UVRAG: variants seen among roughly 807,000 people sequenced by gnomAD.
UVRAG encodes UV radiation resistance associated.
Under a neutral mutation model 78.0 loss-of-function variants are expected in UVRAG, and 19 were observed. The observed-to-expected ratio is 0.24, with a 90% CI of 0.17 to 0.36. The LOEUF (loss-of-function observed/expected upper bound fraction) is 0.36, where lower values mean the gene tolerates loss of function less well. UVRAG is among the 10% of genes least tolerant of loss of function. UVRAG has a pLI of 1.00. For synonymous variants in UVRAG, 323 were observed against 324.6 expected (o/e 1.00, Z 0.05); for missense variants, 740 against 853.8 (o/e 0.87, Z 1.66).
intron 13 of UVRAG, among the ~76,000 whole-genome samples, chr11:76,090,093 A>G (rs189382734): frequency 2.0e-5 from 3 of 152,128 alleles, no homozygotes; most frequent in East Asian, 3.9e-4. Context: ...ATTTCAACCA[A>G]TCTCCTGACT....
At chr11:75,902,605 T>C (rs1235494849) in intron 5 of UVRAG, among the ~76,000 whole-genome samples, 1 of 152,232 alleles carries the variant, frequency 6.6e-6, no homozygotes, top group East Asian at 1.9e-4. Flanking sequence ...TTGCTTTCTC[T>C]TCCAGTTTTC....
At chr11:75,829,780 C>T (rs1285215372) in intron 1 of UVRAG, among the ~76,000 whole-genome samples, 3 of 152,202 alleles carry the variant, frequency 2.0e-5, no homozygotes, top group Admixed American at 1.3e-4. Flanking sequence ...GGTTGTATTC[C>T]AGTAAAAGTT....
At chr11:76,109,044 G>A (rs1003497603) in intron 13 of UVRAG, among the ~76,000 whole-genome samples, 7 of 152,026 alleles carry the variant, frequency 4.6e-5, no homozygotes, top group Admixed American at 2.6e-4. Flanking sequence ...TGGTGGCGGT[G>A]CAGTAGGAAG....
chr11:75,880,071 G>T (rs776922217), intron 4 of UVRAG, 31 bp downstream of exon 4: 2 of 1,610,016 alleles, frequency 1.2e-6, no homozygotes, highest in South Asian at 1.1e-5. Flanking sequence ...TCAAGTAGTT[G>T]TCATCTCCAA....
intron 1 of UVRAG, among the ~76,000 whole-genome samples, chr11:75,829,158 T>G (rs1945600342): frequency 6.6e-6 from 1 of 152,150 alleles, no homozygotes. Flanking sequence ...CACTACAACC[T>G]CGAACTCCTG....
At chr11:76,129,724 T>A (rs1301640551) in intron 14 of UVRAG, among the ~76,000 whole-genome samples, 1 of 152,336 alleles carries the variant, frequency 6.6e-6, no homozygotes, top group African/African-American at 2.4e-5. Flanking sequence ...TGTTTGTCTA[T>A]GTCTGTACAT....
At chr11:76,080,405 C>A (rs1186117107) in intron 13 of UVRAG, among the ~76,000 whole-genome samples, 3 of 152,108 alleles carry the variant, frequency 2.0e-5, no homozygotes, top group African/African-American at 7.2e-5. Flanking sequence ...GGTTGTATAC[C>A]AAAACTGTGT....
chr11:76,114,621 A>G (rs1184034621), intron 13 of UVRAG, among the ~76,000 whole-genome samples: 1 of 152,224 alleles, frequency 6.6e-6, no homozygotes, highest in African/African-American at 2.4e-5. Flanking sequence ...TATTCATTCA[A>G]ACCATTCAGG....
At chr11:75,835,558 A>G (rs971732595) in intron 1 of UVRAG, among the ~76,000 whole-genome samples, 1 of 152,192 alleles carries the variant, frequency 6.6e-6, no homozygotes, top group African/African-American at 2.4e-5. Flanking sequence ...GGTTACTGCA[A>G]TGATCAAATG....
At chr11:75,923,193 T>G (rs926543319) in intron 6 of UVRAG, among the ~76,000 whole-genome samples, 1 of 151,852 alleles carries the variant, frequency 6.6e-6, no homozygotes, top group South Asian at 2.1e-4. Context: ...GGTTGCTGAA[T>G]TTTTTGAAAT....
chr11:75,824,925 G>A (rs570442489), intron 1 of UVRAG, among the ~76,000 whole-genome samples: 1 of 152,026 alleles, frequency 6.6e-6, no homozygotes, highest in South Asian at 2.1e-4. Flanking sequence ...CGCCTGCCTC[G>A]GCCTCCCAAT....
chr11:75,906,026 C>G (rs568185425), intron 5 of UVRAG, among the ~76,000 whole-genome samples: 5 of 151,986 alleles, frequency 3.3e-5, no homozygotes, highest in Non-Finnish European at 7.4e-5. Flanking sequence ...TCTTGCAGTT[C>G]TTTGCCCATT....
In UVRAG at chr11:75,825,450, G is replaced by T. The variant is rs539394080; in HGVS notation, c.117+9926G>T. Among the ~76,000 whole-genome samples, 50 of 152,246 alleles carry T rather than the reference G, an allele frequency of 3.3e-4. No individual in the cohort carries two copies. In the South Asian group the frequency reaches 6.0e-3, roughly 18 times the overall value. On this transcript the variant is annotated intron_variant, in intron 1 of 14. Coordinates refer to ENST00000356136, the MANE Select transcript of UVRAG (RefSeq NM_003369.4). ...TATTGTTAAATTTTTTCAATGCCTT[G>T]TACAGTATTTTAGCAGTTGCCTCCT...
chr11:75,892,781 C>T (rs952999753), intron 5 of UVRAG, among the ~76,000 whole-genome samples: 1 of 152,090 alleles, frequency 6.6e-6, no homozygotes, highest in Non-Finnish European at 1.5e-5. Flanking sequence ...TTTAACAAAG[C>T]CGCAAGCAGA....
chr11:75,994,792 G>A (rs928192459), intron 8 of UVRAG, among the ~76,000 whole-genome samples: 3 of 152,176 alleles, frequency 2.0e-5, no homozygotes, highest in Non-Finnish European at 4.4e-5. Context: ...ATGTGTCCGG[G>A]TCAACTCACA....
At chr11:75,851,138 A>G (rs762449603) in intron 1 of UVRAG, among the ~76,000 whole-genome samples, 48 of 152,218 alleles carry the variant, frequency 3.2e-4, no homozygotes, top group Non-Finnish European at 6.5e-4. Context: ...AGCGTTGCCA[A>G]CATTCTCTTT....
intron 3 of UVRAG, among the ~76,000 whole-genome samples, chr11:75,865,767 A>G (rs1946524207): frequency 6.6e-6 from 1 of 151,986 alleles, no homozygotes; most frequent in African/African-American, 2.4e-5. Context: ...GGTGCCCGCC[A>G]GCATGCCCGG....
At chr11:75,898,724 C>T (rs1236676035) in intron 5 of UVRAG, among the ~76,000 whole-genome samples, 2 of 152,080 alleles carry the variant, frequency 1.3e-5, no homozygotes, top group African/African-American at 4.8e-5. Context: ...ATACTGTTAG[C>T]GACATCTCCT....
chr11:76,036,315 A>C (rs1257006468), intron 12 of UVRAG, among the ~76,000 whole-genome samples: 1 of 152,144 alleles, frequency 6.6e-6, no homozygotes, highest in Non-Finnish European at 1.5e-5. Flanking sequence ...TTGGGAGGCC[A>C]AGGCTGGAGG....
Sources: allele counts gnomAD v4.1 joint callset (sites outside exome capture counted in the v4.1 genomes callset), GRCh38; gene constraint gnomAD v4.1.1; transcripts MANE v1.5; gene names NCBI Gene and HGNC (gene_info 2026-07-23, HGNC 2026-07-21).